CLDN16: variants seen among roughly 807,000 people sequenced by gnomAD.
CLDN16 encodes the protein claudin-16.
CLDN16 carries 13 observed loss-of-function variants against 24.6 expected under a neutral mutation model. The ratio of observed to expected loss-of-function variants is 0.53; its 90% CI spans 0.34 to 0.84. The LOEUF (loss-of-function observed/expected upper bound fraction) is 0.84. CLDN16 is among the 40% of genes least tolerant of loss of function. The pLI is 0.01. For synonymous variants in CLDN16, 116 were observed against 106.7 expected, an observed-to-expected ratio of 1.09 and a Z score of -0.54; for missense variants, 298 against 292.7, an observed-to-expected ratio of 1.02 and a Z score of -0.13.
At chr3:190,310,580 A>G in the CLDN16 span, among the ~76,000 whole-genome samples, 3 of 152,222 alleles carry the variant, frequency 2.0e-5, no homozygotes, top group African/African-American at 7.2e-5. Flanking sequence ...AGGATACTAA[A>G]CTACATTTGA....
chr3:190,342,474 T>A (rs1560083060), intron 1 of CLDN16, among the ~76,000 whole-genome samples: 3 of 152,070 alleles, frequency 2.0e-5, no homozygotes, highest in Admixed American at 6.5e-5. Flanking sequence ...TACAATAGCA[T>A]AAAAATTGAA....
intron 1 of CLDN16, among the ~76,000 whole-genome samples, chr3:190,341,724 A>C (rs144146181): frequency 4.5e-4 from 69 of 152,254 alleles, no homozygotes; most frequent in African/African-American, 1.5e-3. Flanking sequence ...TTTCTTTTCT[A>C]TTGCATTGTC....
At chr3:190,296,548 AT>A in the CLDN16 span, among the ~76,000 whole-genome samples, 11,751 of 133,626 alleles carry the variant, frequency 0.088, 433 homozygotes, top group Non-Finnish European at 0.097. Context: ...GTCAGATTTA[AT>A]TTTTTTTTTT....
the CLDN16 span, chr3:190,312,851 G>A: frequency 3.7e-6 from 6 of 1,612,710 alleles, no homozygotes; most frequent in African/African-American, 6.7e-5. Context: ...TAAGGTGAAA[G>A]GGGGGCACAG....
chr3:190,387,837 C>A (rs1718543127), upstream of CLDN16: 3 of 461,586 alleles, frequency 6.5e-6, no homozygotes, highest in Non-Finnish European at 1.2e-5. Context: ...TAAAATAGTC[C>A]TAACAATAAA....
chr3:190,355,011 C>G (rs1717739310), intron 1 of CLDN16, among the ~76,000 whole-genome samples: 2 of 151,940 alleles, frequency 1.3e-5, no homozygotes, highest in East Asian at 1.9e-4. Flanking sequence ...CAACATTATT[C>G]TAATGGTTTT....
chr3:190,359,642 A>G (rs936836991), intron 1 of CLDN16, among the ~76,000 whole-genome samples: 20 of 152,026 alleles, frequency 1.3e-4, no homozygotes, highest in Non-Finnish European at 2.1e-4. Flanking sequence ...TTACAGTCCA[A>G]TGGTTGAGTC....
intron 2 of CLDN16, among the ~76,000 whole-genome samples, chr3:190,403,378 G>A (rs1719010268): frequency 6.6e-6 from 1 of 152,062 alleles, no homozygotes; most frequent in South Asian, 2.1e-4. Context: ...TGTCAGCAGA[G>A]CCCATGTTGC....
At chr3:190,298,292 T>A in the CLDN16 span, among the ~76,000 whole-genome samples, 1 of 152,012 alleles carries the variant, frequency 6.6e-6, no homozygotes, top group South Asian at 2.1e-4. Flanking sequence ...ATACTAAATT[T>A]TGTTATTCAT....
At chr3:190,322,337 C>T, upstream of CLDN16, 1 of 826,088 alleles carries the variant, frequency 1.2e-6, no homozygotes, top group Non-Finnish European at 2.0e-6. Flanking sequence ...GCCCTGCTCG[C>T]TGCGCCGCCG....
chr3:190,309,209 A>G, the CLDN16 span, among the ~76,000 whole-genome samples: 1 of 152,224 alleles, frequency 6.6e-6, no homozygotes, highest in Non-Finnish European at 1.5e-5. Context: ...ATCACATGCA[A>G]TAATGTAAAT....
Position 190,391,080 on chromosome 3 carries a change from G to A in CLDN16, c.114+2637G>A, listed in dbSNP as rs1577423014. Among the ~76,000 whole-genome samples, 4 of 152,112 alleles carry A rather than the reference G, an allele frequency of 2.6e-5. No individual in the cohort carries two copies. In the Middle Eastern group the frequency reaches 0.014, roughly 517 times the overall value. On this transcript the variant is annotated intron_variant, in intron 1 of 4. Transcript: ENST00000264734. Reference sequence around the variant, plus strand: ...GGGATTATAGGAGTGAACCACCACAGCAGCTCACTTTAATCCATTGTTGGA... The same window carrying A: ...GGGATTATAGGAGTGAACCACCACAACAGCTCACTTTAATCCATTGTTGGA...
At chr3:190,354,503 C>A (rs1717727848) in intron 1 of CLDN16, among the ~76,000 whole-genome samples, 1 of 152,014 alleles carries the variant, frequency 6.6e-6, no homozygotes, top group Non-Finnish European at 1.5e-5. Context: ...TCTTCGTGTT[C>A]TCTTGATGGC....
intron 1 of CLDN16, among the ~76,000 whole-genome samples, chr3:190,358,675 C>A (rs1046977803): frequency 6.6e-6 from 1 of 151,832 alleles, no homozygotes; most frequent in East Asian, 1.9e-4. Flanking sequence ...TTAAAAAAAA[C>A]AACAAGTTTA....
At chr3:190,380,704 G>A (rs1356755594) in intron 3 of CLDN16, among the ~76,000 whole-genome samples, 4 of 152,072 alleles carry the variant, frequency 2.6e-5, no homozygotes, top group African/African-American at 9.7e-5. Context: ...TTGAACCCAG[G>A]AGGCAGAGGT....
At chr3:190,403,114 G>T (rs1719004422) in intron 2 of CLDN16, among the ~76,000 whole-genome samples, 1 of 152,104 alleles carries the variant, frequency 6.6e-6, no homozygotes, top group Non-Finnish European at 1.5e-5. Flanking sequence ...GATCACTGGA[G>T]GTCAGGAGTT....
chr3:190,297,215 A>G, the CLDN16 span, among the ~76,000 whole-genome samples: 1 of 151,954 alleles, frequency 6.6e-6, no homozygotes, highest in African/African-American at 2.4e-5. Context: ...GGCTGCATTT[A>G]GACTCATTTT....
intron 1 of CLDN16, among the ~76,000 whole-genome samples, chr3:190,395,929 A>G (rs2108663838): frequency 6.6e-6 from 1 of 152,260 alleles, no homozygotes; most frequent in Non-Finnish European, 1.5e-5. Flanking sequence ...ACACAGACAT[A>G]ATTTCCTATG....
upstream of CLDN16, among the ~76,000 whole-genome samples, chr3:190,320,781 C>T (rs758954305): frequency 2.0e-5 from 3 of 152,090 alleles, no homozygotes; most frequent in African/African-American, 4.8e-5. Flanking sequence ...TGGGCAGTCA[C>T]GTTCATCTAG....
Sources: allele counts gnomAD v4.1 joint callset (sites outside exome capture counted in the v4.1 genomes callset), GRCh38; gene constraint gnomAD v4.1.1; transcripts MANE v1.5; gene names NCBI Gene and HGNC (gene_info 2026-07-23, HGNC 2026-07-21).